PIK3C3: variants seen among roughly 807,000 people sequenced by gnomAD.
PIK3C3 encodes the protein phosphatidylinositol 3-kinase catalytic subunit type 3, also known as PI3-kinase type 3.
In PIK3C3, 95 loss-of-function variants were observed where a neutral mutation model predicts 126.1. The ratio of observed to expected loss-of-function variants is 0.75; its 90% CI spans 0.64 to 0.89. The LOEUF is 0.89. PIK3C3 is among the 40% of genes least tolerant of loss of function. The probability of loss-of-function intolerance (pLI) is 0.00; values close to 1 mark genes in which losing one functional copy is unlikely to be tolerated. For synonymous variants in PIK3C3, 374 were observed against 360.0 expected, an observed-to-expected ratio of 1.04 and a Z score of -0.44; for missense variants, 829 against 1,063.2, an observed-to-expected ratio of 0.78 and a Z score of 3.06.
intron 4 of PIK3C3, among the ~76,000 whole-genome samples, chr18:41,975,223 T>C (rs977924811): frequency 6.6e-6 from 1 of 152,214 alleles, no homozygotes; most frequent in South Asian, 2.1e-4. Flanking sequence ...CATTTAGTTA[T>C]TGTTTCTTGA....
chr18:41,993,340 TG>T lies in PIK3C3; in HGVS notation c.786+1del. On this transcript the variant is annotated frameshift_variant and splice_region_variant, in exon 7 of 25. Transcript: ENST00000262039. LOFTEE classifies it high-confidence loss of function. ...AAAGTTCCTGACCCCCAGATGTCTA[TG>T]GTAAGTTATTGTGCAATTTTTTTAT... is the stretch of plus-strand genomic sequence containing the variant. Reference protein sequence around the residue: ...LVKVPDPQMSMENLVESKHHK... With the variant: ...LVKVPDPQMSXENLVESKHHK... 6.3e-7 allele frequency: 1 copy of T among 1,594,822 alleles called. No individual in the cohort carries two copies. Among genetic ancestry groups the T allele is most frequent in the Non-Finnish European group, 8.6e-7 (1 of 1,165,394 alleles).
At chr18:42,025,053 C>G (rs1386540698) in intron 13 of PIK3C3, among the ~76,000 whole-genome samples, 1 of 151,314 alleles carries the variant, frequency 6.6e-6, no homozygotes, top group Non-Finnish European at 1.5e-5. Flanking sequence ...ACCTCATGAT[C>G]CGCCCACCTT....
chr18:42,024,215 G>A (rs899411920), intron 13 of PIK3C3, among the ~76,000 whole-genome samples: 3 of 152,132 alleles, frequency 2.0e-5, no homozygotes, highest in Non-Finnish European at 4.4e-5. Flanking sequence ...TGGGTACCTG[G>A]ACAATTTTGT....
At chr18:42,074,190 A>G (rs1265912611) in intron 24 of PIK3C3, among the ~76,000 whole-genome samples, 3 of 152,192 alleles carry the variant, frequency 2.0e-5, no homozygotes, top group Non-Finnish European at 4.4e-5. Flanking sequence ...TAAATATACC[A>G]TAATGTGTTT....
intron 4 of PIK3C3, among the ~76,000 whole-genome samples, chr18:41,978,369 G>A (rs1981035041): frequency 6.6e-6 from 1 of 152,180 alleles, no homozygotes; most frequent in South Asian, 2.1e-4. Context: ...TATAATCAAG[G>A]AGTGCGATAA....
chr18:42,073,052 A>G (rs568607855), intron 24 of PIK3C3, among the ~76,000 whole-genome samples: 2 of 152,368 alleles, frequency 1.3e-5, no homozygotes, highest in South Asian at 2.1e-4. Context: ...ATGTTAATAC[A>G]TACTAAATCT....
intron 23 of PIK3C3, among the ~76,000 whole-genome samples, 158 bp from the exon 24 acceptor site, chr18:42,067,230 C>T (rs1475833585): frequency 5.3e-5 from 8 of 152,230 alleles, no homozygotes; most frequent in Admixed American, 5.2e-4. Context: ...CTTCCACACT[C>T]CAAAGAATGC....
At chr18:41,999,391 GA>G (rs1382770134) in intron 9 of PIK3C3, among the ~76,000 whole-genome samples, 1 of 152,018 alleles carries the variant, frequency 6.6e-6, no homozygotes, top group Non-Finnish European at 1.5e-5. Context: ...ATGCTTGGGG[GA>G]AAAAAGCAGT....
rs1310456060 is a variant in PIK3C3 at position 42,083,674 on chromosome 18, A to G, written c.*2537A>G. 1 of 152,194 alleles carries G rather than the reference A, an allele frequency of 6.6e-6. No homozygotes were observed. The highest frequency in any genetic ancestry group is 1.5e-5 in the Non-Finnish European group (1 of 68,040). 9.4% of individuals were successfully genotyped at this position (152,194 alleles called of 1,614,324 possible). ...CAGTATTACATGGCAGGGCTATACT[A>G]ATTGCTTCATATGCCTTATCTCATT... On this transcript the variant is annotated 3_prime_UTR_variant, in exon 25 of 25. Transcript: ENST00000262039.
intron 15 of PIK3C3, among the ~76,000 whole-genome samples, chr18:42,032,624 T>TTTTTTTTATTTATTTA (rs1555636795): frequency 2.8e-5 from 4 of 144,012 alleles, no homozygotes; most frequent in African/African-American, 1.0e-4. Context: ...TTTCTGGTTA[T>TTTTTTTTATTTATTTA]TTTATTTATT....
At chr18:42,059,092 T>G (rs948050468) in intron 22 of PIK3C3, among the ~76,000 whole-genome samples, 1 of 152,198 alleles carries the variant, frequency 6.6e-6, no homozygotes, top group Non-Finnish European at 1.5e-5. Context: ...AATTCCTGCT[T>G]TGAGTCTAGT....
intron 22 of PIK3C3, among the ~76,000 whole-genome samples, chr18:42,062,234 GC>G (rs1985346756): frequency 6.8e-6 from 1 of 146,374 alleles, no homozygotes; most frequent in Non-Finnish European, 1.5e-5. Context: ...AGTTGAAAGA[GC>G]ATCTTTTTTT....
intron 1 of PIK3C3, 145 bp downstream of exon 1, chr18:41,955,504 G>C: frequency 1.5e-6 from 1 of 655,180 alleles, no homozygotes; most frequent in East Asian, 2.8e-5. Context: ...AGCCAGGGAG[G>C]CGCGAGAGAG....
chr18:42,076,105 T>TATATATATATGCAC (rs1985973974), intron 24 of PIK3C3, among the ~76,000 whole-genome samples: 3 of 74,654 alleles, frequency 4.0e-5, no homozygotes, highest in African/African-American at 2.2e-4. Context: ...TATATATATA[T>TATATATATATGCAC]ATATATATAT....
At chr18:41,993,180 T>A (rs1981861760) in intron 6 of PIK3C3, 90 bp from the exon 7 acceptor site, 2 of 644,458 alleles carry the variant, frequency 3.1e-6, no homozygotes, top group Middle Eastern at 4.1e-4. Context: ...GTTCATCAAA[T>A]AGAATTAAAA....
intron 18 of PIK3C3, 57 bp downstream of exon 18, chr18:42,038,907 C>A: frequency 2.6e-6 from 3 of 1,172,262 alleles, no homozygotes; most frequent in South Asian, 1.4e-5. Context: ...TGTACTTTTT[C>A]AAATTGAAAA....
intron 24 of PIK3C3, among the ~76,000 whole-genome samples, chr18:42,075,681 T>C (rs1985946170): frequency 1.3e-5 from 2 of 150,000 alleles, no homozygotes; most frequent in South Asian, 2.1e-4. Context: ...TTATAAGTAA[T>C]AATATGTATA....
chr18:42,045,406 A>C (rs1984517275), intron 20 of PIK3C3, among the ~76,000 whole-genome samples: 2 of 152,130 alleles, frequency 1.3e-5, no homozygotes, highest in Non-Finnish European at 2.9e-5. Context: ...TGATCTGAAA[A>C]AAAATTGCAT....
At chr18:41,979,498 A>G (rs561185596) in intron 4 of PIK3C3, among the ~76,000 whole-genome samples, 51 of 152,300 alleles carry the variant, frequency 3.3e-4, no homozygotes, top group African/African-American at 1.2e-3. Context: ...TCTTATTACA[A>G]ATCCTATAAT....
Sources: allele counts gnomAD v4.1 joint callset (sites outside exome capture counted in the v4.1 genomes callset), GRCh38; gene constraint gnomAD v4.1.1; transcripts MANE v1.5; gene names NCBI Gene and HGNC (gene_info 2026-07-23, HGNC 2026-07-21).